Variants in ZNF521 observed in about 807,000 individuals in gnomAD.
ZNF521 encodes LYST-interacting protein 3.
A neutral mutation model predicts 105.5 loss-of-function variants in ZNF521; 14 were observed. The observed-to-expected ratio is 0.13, with a 90% CI of 0.09 to 0.21. The LOEUF (loss-of-function observed/expected upper bound fraction) is 0.21. ZNF521 is among the 10% of genes least tolerant of loss of function. ZNF521 has a pLI of 1.00. For synonymous variants in ZNF521, 635 were observed against 606.0 expected (o/e 1.05, Z -0.70); for missense variants, 1,233 against 1,629.7 (o/e 0.76, Z 4.19).
chr18:25,331,087 A>ATG (rs1568082580), intron 2 of ZNF521, among the ~76,000 whole-genome samples: 11 of 152,208 alleles, frequency 7.2e-5, no homozygotes, highest in Admixed American at 5.2e-4. Flanking sequence ...TCACTCTTCC[A>ATG]ACTACCCTGA....
intron 3 of ZNF521, among the ~76,000 whole-genome samples, chr18:25,319,268 T>C (rs1254008246): frequency 6.6e-6 from 1 of 152,076 alleles, no homozygotes; most frequent in Non-Finnish European, 1.5e-5. Flanking sequence ...GGCTAACAAA[T>C]AGATAAATTA....
At chr18:25,349,548 G>C (rs1366851236) in intron 2 of ZNF521, among the ~76,000 whole-genome samples, 2 of 152,186 alleles carry the variant, frequency 1.3e-5, no homozygotes, top group Non-Finnish European at 2.9e-5. Flanking sequence ...AAAGGGCTTT[G>C]TGTGTGCGGT....
chr18:25,088,350 G>A (rs1171452823), intron 7 of ZNF521, among the ~76,000 whole-genome samples: 8 of 151,648 alleles, frequency 5.3e-5, no homozygotes, highest in Non-Finnish European at 1.0e-4. Context: ...CAAGTAGCTG[G>A]GACTACAGCC....
chr18:25,222,959 G>T (rs1026282786), intron 4 of ZNF521, among the ~76,000 whole-genome samples: 1 of 152,148 alleles, frequency 6.6e-6, no homozygotes, highest in Admixed American at 6.5e-5. Context: ...GAGAGAAAAC[G>T]CTACAAAATA....
At chr18:25,108,967 A>G (rs1280913695) in intron 5 of ZNF521, among the ~76,000 whole-genome samples, 1 of 152,136 alleles carries the variant, frequency 6.6e-6, no homozygotes, top group Non-Finnish European at 1.5e-5. Context: ...TTAATTTTTA[A>G]ATTTTAGATT....
chr18:25,115,446 A>T (rs1015269539), intron 5 of ZNF521, among the ~76,000 whole-genome samples: 15 of 149,580 alleles, frequency 1.0e-4, no homozygotes, highest in Non-Finnish European at 2.1e-4. Flanking sequence ...TTTAACGAAT[A>T]AAAAAAAACA....
At chr18:25,121,404 C>T (rs1269750928) in intron 5 of ZNF521, among the ~76,000 whole-genome samples, 1 of 151,862 alleles carries the variant, frequency 6.6e-6, no homozygotes, top group African/African-American at 2.4e-5. Flanking sequence ...AGGCACCTGC[C>T]ACCATGCCTG....
At chr18:25,308,648 A>ACCCCCCCCCCCCCC (rs764455271) in intron 3 of ZNF521, among the ~76,000 whole-genome samples, 2 of 116,302 alleles carry the variant, frequency 1.7e-5, no homozygotes, top group Admixed American at 9.4e-5. Context: ...CCTTAATGAC[A>ACCCCCCCCCCCCCC]TCCCCCCCCC....
At chr18:25,250,357 C>T (rs952220651) in intron 3 of ZNF521, among the ~76,000 whole-genome samples, 1 of 152,142 alleles carries the variant, frequency 6.6e-6, no homozygotes, top group African/African-American at 2.4e-5. Context: ...TATCCAATAC[C>T]AGATACAAAA....
chr18:25,194,483 A>T (rs1361530593), intron 5 of ZNF521, among the ~76,000 whole-genome samples: 5 of 151,750 alleles, frequency 3.3e-5, no homozygotes, highest in Non-Finnish European at 3.0e-5. Context: ...CAATATGAAT[A>T]AGTTAAAAAA....
Position 25,226,174 on chromosome 18 carries a change from T to C in ZNF521, c.1744A>G (p.Lys582Glu). The change falls in exon 4 of 8, where the codon AAA becomes GAA. Residue 582 changes from lysine to glutamate, a missense_variant. By Grantham distance (56) the Lys-to-Glu change is moderately conservative. Coordinates refer to ENST00000361524, the MANE Select transcript of ZNF521 (RefSeq NM_015461.3). This position sits in a 1 kb window ranked among gnomAD's most constrained non-coding sequence, Gnocchi z 4.1. Reference sequence around the variant, plus strand: ...AAGGGAATGTTTTTATGATTCTCTTTGATATGCTTGTTCAGTTTAAGAACG... The same window carrying C: ...AAGGGAATGTTTTTATGATTCTCTTCGATATGCTTGTTCAGTTTAAGAACG... The part of the protein sequence containing the change: ...NSVLKLNKHI[K>E]ENHKNIPLAL... 1 of 1,614,210 alleles carries C rather than the reference T, an allele frequency of 6.2e-7. No homozygotes were observed. The highest frequency in any genetic ancestry group is 8.5e-7 in the Non-Finnish European group (1 of 1,180,036).
chr18:25,134,485 T>C (rs184707795), intron 5 of ZNF521, among the ~76,000 whole-genome samples: 2 of 152,136 alleles, frequency 1.3e-5, no homozygotes, highest in South Asian at 4.1e-4. Context: ...GTGAACATTA[T>C]GATAAAGACA....
intron 3 of ZNF521, among the ~76,000 whole-genome samples, chr18:25,320,413 C>T (rs1263053158): frequency 6.6e-6 from 1 of 152,150 alleles, no homozygotes; most frequent in Non-Finnish European, 1.5e-5. Flanking sequence ...TCAGATGATC[C>T]ACCTGCCTCG....
intron 5 of ZNF521, among the ~76,000 whole-genome samples, chr18:25,117,458 A>G (rs948740523): frequency 6.6e-6 from 1 of 152,170 alleles, no homozygotes; most frequent in Non-Finnish European, 1.5e-5. Flanking sequence ...AAAGACAATT[A>G]ACTTAGATGT....
intron 5 of ZNF521, among the ~76,000 whole-genome samples, chr18:25,100,894 T>C (rs764193871): frequency 9.9e-5 from 15 of 152,138 alleles, no homozygotes; most frequent in Non-Finnish European, 2.1e-4. Flanking sequence ...TAGTTTTATT[T>C]AGGAAGGTTC....
At chr18:25,118,805 A>G (rs934515773) in intron 5 of ZNF521, among the ~76,000 whole-genome samples, 3 of 152,102 alleles carry the variant, frequency 2.0e-5, no homozygotes, top group African/African-American at 7.2e-5. Context: ...TCACATTATA[A>G]TGTACTGAAC....
At chr18:25,300,608 C>T (rs1304182424) in intron 3 of ZNF521, among the ~76,000 whole-genome samples, 1 of 152,148 alleles carries the variant, frequency 6.6e-6, no homozygotes, top group Non-Finnish European at 1.5e-5. Flanking sequence ...TCACTGCAAA[C>T]TTTGCACGTT....
At chr18:25,278,589 T>C (rs1214085660) in intron 3 of ZNF521, among the ~76,000 whole-genome samples, 1 of 152,216 alleles carries the variant, frequency 6.6e-6, no homozygotes, top group Non-Finnish European at 1.5e-5. Context: ...CATCCCTTAA[T>C]TGAGATCCTA....
rs1171641484 is a variant in ZNF521 at position 25,273,304 on chromosome 18, A to T, written c.221-45607T>A. On this transcript the variant is annotated intron_variant, in intron 3 of 7. Transcript: ENST00000361524. Reference sequence around the variant, plus strand: ...TTTTAAAAGATGAAGGTGCCAGAAAATAAATTTTGTTGCGCAGTCACAATA... The same window carrying T: ...TTTTAAAAGATGAAGGTGCCAGAAATTAAATTTTGTTGCGCAGTCACAATA... Among the ~76,000 whole-genome samples, 6 of 151,618 alleles carry T rather than the reference A, an allele frequency of 4.0e-5. No individual in the cohort carries two copies. The East Asian group carries it at 9.7e-4, about 24-fold the overall frequency.
Sources: gnomAD v4.1 joint callset for allele counts (sites outside exome capture counted in the v4.1 genomes callset) on GRCh38, gnomAD v4.1.1 for gene constraint, Gnocchi (gnomAD v3.1) non-coding constraint, MANE v1.5 for transcripts, NCBI Gene and HGNC (gene_info 2026-07-23, HGNC 2026-07-21) for gene names.